The following TFCP2L1 variants were observed in gnomAD, a reference collection of about 807,000 sequenced individuals.
The protein encoded by TFCP2L1 is transcription factor CP2 like 1.
TFCP2L1 carries 12 observed loss-of-function variants against 72.2 expected under a neutral mutation model. The ratio of observed to expected loss-of-function variants is 0.17; its 90% CI spans 0.11 to 0.27. The LOEUF (loss-of-function observed/expected upper bound fraction) is 0.27, where lower values mean the gene tolerates loss of function less well. TFCP2L1 is among the 10% of genes least tolerant of loss of function. The pLI, the probability that TFCP2L1 is intolerant of heterozygous loss-of-function variation, is 1.00. For missense variants in TFCP2L1, 488 were observed against 624.6 expected, an observed-to-expected ratio of 0.78 and a Z score of 2.33; for synonymous variants, 260 against 251.0, an observed-to-expected ratio of 1.04 and a Z score of -0.34.
chr2:121,225,419 G>A lies in TFCP2L1; in HGVS notation c.1393+143C>T. ...TCTCACTAGTTCTGCCATTTCTAGG[G>A]CTAGCTTTCACGGAGAGTTTGTGCT... is the stretch of plus-strand genomic sequence containing the variant. On this transcript the variant is annotated intron_variant, in intron 14 of 14. Coordinates refer to ENST00000263707, the MANE Select transcript of TFCP2L1 (RefSeq NM_014553.3). 3 of 782,256 alleles carry A rather than the reference G, an allele frequency of 3.8e-6. No individual in the cohort carries two copies. The South Asian group carries it at 4.9e-5, about 13-fold the overall frequency. 48.5% of individuals were successfully genotyped at this position (782,256 alleles called of 1,614,324 possible).
chr2:121,270,733 TG>T (rs965970310), intron 2 of TFCP2L1, among the ~76,000 whole-genome samples: 1 of 151,244 alleles, frequency 6.6e-6, no homozygotes, highest in Non-Finnish European at 1.5e-5. Flanking sequence ...CAGGACACAG[TG>T]GCTCATGCCT....
intron 6 of TFCP2L1, among the ~76,000 whole-genome samples, chr2:121,245,206 C>T (rs938459646): frequency 6.6e-6 from 1 of 152,104 alleles, no homozygotes; most frequent in Non-Finnish European, 1.5e-5. Context: ...AGGACTCAGC[C>T]TGCTCCTGCT....
At position 121,284,194 on chromosome 2, in the gene TFCP2L1, A is replaced by G. The variant is rs72963351; in HGVS notation, c.62+854T>C. The stretch of plus-strand genomic sequence containing the variant: ...CTCATCATTCATTTTCCTTGAGCCC[A>G]TATCAAATGCCCTTTGGGTTAAATT... On this transcript the variant is annotated intron_variant, in intron 1 of 14. Transcript: ENST00000263707. Among the ~76,000 whole-genome samples, 1,331 of 152,294 alleles carry G rather than the reference A, an allele frequency of 8.7e-3. 29 individuals carry two copies. The highest frequency in any genetic ancestry group is 0.03 in the African/African-American group (1,260 of 41,548).
intron 7 of TFCP2L1, among the ~76,000 whole-genome samples, chr2:121,239,900 T>G (rs1467983658): frequency 6.6e-6 from 1 of 152,184 alleles, no homozygotes; most frequent in East Asian, 1.9e-4. Context: ...CTCTCTGGGC[T>G]TCCTAGCAGT....
At chr2:121,281,711 C>T (rs1351987703) in intron 1 of TFCP2L1, among the ~76,000 whole-genome samples, 1 of 152,146 alleles carries the variant, frequency 6.6e-6, no homozygotes, top group Non-Finnish European at 1.5e-5. Context: ...CATTTACCGG[C>T]CACTTCTCAT....
chr2:121,242,457 C>T lies in TFCP2L1; in HGVS notation c.670G>A (p.Asp224Asn), dbSNP rs765369796. Residue 224 changes from aspartate (D) to asparagine (N), a missense_variant, in exon 7 of 15, where the codon GAT (aspartate) becomes AAT (asparagine). This residue lies in a region of TFCP2L1 where 129 missense variants were observed against 236.0 expected (regional missense o/e 0.55). Transcript: ENST00000263707. ...TCCCGGTCAGTCTTCTGTTTCCGATCGGCTCCCTTCGGCTGCGAGCAGAGT... is the reference window on the plus strand; with the variant it reads ...TCCCGGTCAGTCTTCTGTTTCCGATTGGCTCCCTTCGGCTGCGAGCAGAGT... Reference protein sequence around the residue: ...QIKVFKPKGADRKQKTDREKM... With the variant: ...QIKVFKPKGANRKQKTDREKM... The T allele has an allele frequency of 5.6e-6, 9 of 1,613,916 alleles. No homozygotes were observed. Among genetic ancestry groups the T allele is most frequent in the South Asian group, 3.3e-5 (3 of 91,078 alleles).
At position 121,248,986 on chromosome 2, in the gene TFCP2L1, G is replaced by A. The variant is rs753601192; in HGVS notation, c.393C>T (p.Asp131=). 10 of 1,595,374 alleles carry A rather than the reference G, an allele frequency of 6.3e-6. No individual in the cohort carries two copies. The African/African-American group carries it at 9.4e-5, about 15-fold the overall frequency. The change falls in exon 4 of 15, where the codon GAC becomes GAT. Residue 131 remains aspartate, a synonymous_variant. Coordinates refer to ENST00000263707, the MANE Select transcript of TFCP2L1 (RefSeq NM_014553.3). ...RWSRPGDRIL[D]IDIPLSVGIL... is the part of the protein sequence containing the mutation. ...TCTCCTGGCCAGGAGACTCACCGATGTCCAGGATCCGGTCCCCTGGCCGAC... is the reference window on the plus strand; with the variant it reads ...TCTCCTGGCCAGGAGACTCACCGATATCCAGGATCCGGTCCCCTGGCCGAC...
chr2:121,270,285 C>T (rs1189831191), intron 2 of TFCP2L1, among the ~76,000 whole-genome samples: 2 of 152,260 alleles, frequency 1.3e-5, no homozygotes, highest in South Asian at 4.2e-4. Flanking sequence ...AACAAGATGA[C>T]CAAGTCTCTG....
intron 2 of TFCP2L1, among the ~76,000 whole-genome samples, chr2:121,264,365 C>T (rs1358122949): frequency 1.3e-5 from 2 of 152,224 alleles, no homozygotes; most frequent in Non-Finnish European, 2.9e-5. Flanking sequence ...TCTGAGACTG[C>T]TCCTCTATTC....
In TFCP2L1 at chr2:121,224,405, T is replaced by C. The variant is rs757199233; in HGVS notation, c.1394-18A>G. 6.2e-6 allele frequency: 10 copies of C among 1,613,066 alleles called. No individual in the cohort carries two copies. Among genetic ancestry groups the C allele is most frequent in the Non-Finnish European group, 8.5e-6 (10 of 1,179,732 alleles). On this transcript the variant is annotated intron_variant, in intron 14 of 14. Transcript: ENST00000263707. ...GCTCTCAGCTGCAAGAGAGAAACAC[T>C]GGGTGTATTTCACAGGAAAAAAGGT...
At chr2:121,255,870 G>A (rs961580116) in intron 2 of TFCP2L1, among the ~76,000 whole-genome samples, 1 of 151,988 alleles carries the variant, frequency 6.6e-6, no homozygotes, top group African/African-American at 2.4e-5. Flanking sequence ...AGGCTCCCGA[G>A]TAGCTGGGAC....
chr2:121,235,406 G>A, intron 10 of TFCP2L1, 95 bp from the exon 11 acceptor site: 1 of 1,261,640 alleles, frequency 7.9e-7, no homozygotes, highest in Non-Finnish European at 1.1e-6. Flanking sequence ...CTGGGGGTGG[G>A]GGGTGGGGAA....
intron 2 of TFCP2L1, among the ~76,000 whole-genome samples, chr2:121,274,677 A>G (rs1435489119): frequency 1.3e-5 from 2 of 152,222 alleles, no homozygotes; most frequent in Non-Finnish European, 2.9e-5. Flanking sequence ...GGGGCCAGGC[A>G]GTGGCTCATG....
In TFCP2L1 at chr2:121,220,658, C is replaced by T. The variant is rs1237598710; in HGVS notation, c.*3683G>A. On this transcript the variant is annotated 3_prime_UTR_variant, in exon 15 of 15. Transcript: ENST00000263707. Reference sequence around the variant, plus strand: ...TGTCCTGCTCAATAGGCCAGCACCTCCGGACTCACAGGAAAGACCCTGGAC... The same window carrying T: ...TGTCCTGCTCAATAGGCCAGCACCTTCGGACTCACAGGAAAGACCCTGGAC... The T allele has an allele frequency of 6.6e-6, 1 of 152,146 alleles. No homozygotes were observed. Among genetic ancestry groups the T allele is most frequent in the African/African-American group, 2.4e-5 (1 of 41,420 alleles). The allele number at this position is 152,146 out of a possible 1,614,324, so 9.4% of individuals were successfully genotyped here.
intron 5 of TFCP2L1, 146 bp downstream of exon 5, chr2:121,248,018 A>G: frequency 1.6e-6 from 1 of 613,952 alleles, no homozygotes. Context: ...TGCAACACTC[A>G]TTCTCTCTCT....
At chr2:121,228,323 T>TGC (rs1006271966) in intron 13 of TFCP2L1, among the ~76,000 whole-genome samples, 51 of 152,266 alleles carry the variant, frequency 3.3e-4, no homozygotes, top group African/African-American at 1.2e-3. Context: ...CATTTTGGAA[T>TGC]GCAAAGTGAC....
At chr2:121,261,530 GAAT>G (rs1686829334) in intron 2 of TFCP2L1, among the ~76,000 whole-genome samples, 1 of 152,118 alleles carries the variant, frequency 6.6e-6, no homozygotes, top group African/African-American at 2.4e-5. Context: ...TTTACCCACA[GAAT>G]AAAATAACTA....
In TFCP2L1 at chr2:121,249,557, C is replaced by A. The variant is rs373899068; in HGVS notation, c.291+14G>T. 2 of 1,613,768 alleles carry A rather than the reference C, an allele frequency of 1.2e-6. No individual in the cohort carries two copies. Among genetic ancestry groups the A allele is most frequent in the South Asian group, 1.1e-5 (1 of 91,062 alleles). On this transcript the variant is annotated intron_variant, in intron 3 of 14. Coordinates refer to ENST00000263707, the MANE Select transcript of TFCP2L1 (RefSeq NM_014553.3). ...CCTCTCCCCGAGGCAATGAGAACAG[C>A]CTGTGAGGCTTACCTTGACATATTT...
rs929046519 is a variant in TFCP2L1, at chr2:121,285,169, C to A, written c.-60G>T. 7.3e-6 allele frequency: 10 copies of A among 1,375,956 alleles called. No individual in the cohort carries two copies. The highest frequency in any genetic ancestry group is 3.1e-5 in the East Asian group (1 of 32,032). 85.2% of individuals were successfully genotyped at this position (1,375,956 alleles called of 1,614,324 possible). A position where few individuals can be genotyped will look rare whatever the true frequency, so the allele number is the denominator to read the frequency against. On this transcript the variant is annotated 5_prime_UTR_variant, in exon 1 of 15. Coordinates refer to ENST00000263707, the MANE Select transcript of TFCP2L1 (RefSeq NM_014553.3). ...CAGCAAGCGCAGACGCGGGGCGCGC[C>A]GAGGACCCAGCGGCGGCTTCGCGCT...
Sources: allele counts gnomAD v4.1 joint callset (sites outside exome capture counted in the v4.1 genomes callset), GRCh38; gene constraint gnomAD v4.1.1; regional missense constraint gnomAD v4.1.1; transcripts MANE v1.5; gene names NCBI Gene and HGNC (gene_info 2026-07-23, HGNC 2026-07-21).